TASP1: variants seen among roughly 807,000 people sequenced by gnomAD.
TASP1 encodes the protein threonine aspartase 1.
Under a neutral mutation model 56.6 loss-of-function variants are expected in TASP1, and 16 were observed. The observed-to-expected ratio is 0.28, with a 90% confidence interval of 0.19 to 0.43. The LOEUF is 0.43. Ranked by LOEUF, TASP1 falls within the 20% of genes least tolerant of loss-of-function variation. TASP1 has a pLI of 1.00. For missense variants in TASP1, 393 were observed against 511.6 expected (o/e 0.77, Z 2.24); for synonymous variants, 179 against 184.2 (o/e 0.97, Z 0.23).
At chr20:13,178,829 C>A in the TASP1 span, among the ~76,000 whole-genome samples, 2 of 151,890 alleles carry the variant, frequency 1.3e-5, no homozygotes, top group African/African-American at 4.8e-5. Context: ...AAAATTACAG[C>A]TAGATAGGAG....
chr20:13,461,266 T>C (rs1568831868), intron 11 of TASP1, among the ~76,000 whole-genome samples: 1 of 152,228 alleles, frequency 6.6e-6, no homozygotes, highest in Non-Finnish European at 1.5e-5. Flanking sequence ...CTGCATTTTC[T>C]ATCCACCTTT....
At chr20:13,180,571 ATTTG>A in the TASP1 span, among the ~76,000 whole-genome samples, 507 of 152,268 alleles carry the variant, frequency 3.3e-3, 1 homozygote, top group Non-Finnish European at 5.5e-3. Context: ...ACATTTGTTA[ATTTG>A]TTTGCTTCTT....
chr20:13,408,290 A>T (rs2041991067), intron 13 of TASP1, among the ~76,000 whole-genome samples: 2 of 152,194 alleles, frequency 1.3e-5, no homozygotes, highest in Admixed American at 1.3e-4. Context: ...CTTATGTTCC[A>T]GGATCATTTG....
chr20:13,612,134 C>A (rs916113616), intron 4 of TASP1, among the ~76,000 whole-genome samples: 4 of 152,146 alleles, frequency 2.6e-5, no homozygotes, highest in African/African-American at 9.7e-5. Context: ...TATTGAATTA[C>A]CTCTTGCTAC....
At chr20:13,131,260 C>T in the TASP1 span, among the ~76,000 whole-genome samples, 52 of 152,214 alleles carry the variant, frequency 3.4e-4, no homozygotes, top group Non-Finnish European at 7.1e-4. Context: ...CTTTCCCCAA[C>T]TCTGGGTAAA....
intron 6 of TASP1, among the ~76,000 whole-genome samples, chr20:13,574,311 C>T (rs145468075): frequency 6.6e-6 from 1 of 152,184 alleles, no homozygotes; most frequent in Admixed American, 6.5e-5. Flanking sequence ...AAAGCGAGAC[C>T]TGAAAGGCTC....
At chr20:13,369,910 C>G in the TASP1 span, among the ~76,000 whole-genome samples, 5 of 152,202 alleles carry the variant, frequency 3.3e-5, no homozygotes, top group African/African-American at 9.6e-5. Context: ...AAACACTGGG[C>G]ATTATATATA....
intron 5 of TASP1, among the ~76,000 whole-genome samples, chr20:13,583,011 C>G (rs1200706933): frequency 2.0e-5 from 3 of 152,194 alleles, no homozygotes; most frequent in Non-Finnish European, 4.4e-5. Flanking sequence ...GCAGCTTTCT[C>G]CAGCATTTGA....
At chr20:13,501,713 C>T (rs1214907112) in intron 10 of TASP1, among the ~76,000 whole-genome samples, 13 of 151,796 alleles carry the variant, frequency 8.6e-5, no homozygotes, top group South Asian at 2.1e-4. Context: ...GTAAAAGGCA[C>T]GGGTTATCAA....
chr20:13,469,263 G>A (rs554480373), intron 11 of TASP1, among the ~76,000 whole-genome samples: 1 of 152,252 alleles, frequency 6.6e-6, no homozygotes, highest in South Asian at 2.1e-4. Context: ...AGGCCTGGGT[G>A]AAGAACACAT....
intron 7 of TASP1, among the ~76,000 whole-genome samples, chr20:13,564,863 G>A (rs773089388): frequency 3.9e-4 from 60 of 151,922 alleles, no homozygotes; most frequent in South Asian, 2.7e-3. Context: ...AAAATTAGCC[G>A]GGTGTGGTGG....
intron 4 of TASP1, among the ~76,000 whole-genome samples, chr20:13,598,214 T>C (rs1048836100): frequency 3.3e-5 from 5 of 152,130 alleles, no homozygotes; most frequent in Admixed American, 6.5e-5. Context: ...AAAAAGAGCC[T>C]GCATTGCCAA....
At chr20:13,509,359 T>TA (rs1293047471) in intron 10 of TASP1, among the ~76,000 whole-genome samples, 4 of 152,060 alleles carry the variant, frequency 2.6e-5, no homozygotes, top group African/African-American at 7.2e-5. Flanking sequence ...AATGAGGAGA[T>TA]AGTGTCACAG....
chr20:13,623,590 G>A lies in TASP1; in HGVS notation c.214-76C>T, dbSNP rs2048790817. 4.4e-6 allele frequency: 5 copies of A among 1,128,450 alleles called. No homozygotes were observed. In the East Asian group the frequency reaches 1.2e-4, roughly 27 times the overall value. 69.9% of individuals were successfully genotyped at this position (1,128,450 alleles called of 1,614,324 possible). A position where few individuals can be genotyped will look rare whatever the true frequency, so the allele number is the denominator to read the frequency against. ...ACTTTCCAAAAGCTTAAAGAAGTAT[G>A]GGAGACACTTAGATTAATAAAAATT... On this transcript the variant is annotated intron_variant, in intron 3 of 13. Coordinates refer to ENST00000337743, the MANE Select transcript of TASP1 (RefSeq NM_017714.3).
intron 10 of TASP1, among the ~76,000 whole-genome samples, chr20:13,501,997 T>C (rs950516240): frequency 6.6e-6 from 1 of 151,962 alleles, no homozygotes; most frequent in South Asian, 2.1e-4. Context: ...ACAATCTAAA[T>C]GTGTGTACAC....
chr20:13,386,985 C>T (rs538407215), downstream of TASP1, among the ~76,000 whole-genome samples: 6 of 152,020 alleles, frequency 3.9e-5, no homozygotes, highest in Non-Finnish European at 5.9e-5. Flanking sequence ...GCATAGGACC[C>T]GATAGGTGGT....
chr20:13,483,583 T>C (rs532220722), intron 10 of TASP1, among the ~76,000 whole-genome samples: 28 of 152,320 alleles, frequency 1.8e-4, no homozygotes, highest in African/African-American at 6.5e-4. Flanking sequence ...CGTAGTTCTC[T>C]GTTTAACTAG....
the TASP1 span, among the ~76,000 whole-genome samples, chr20:13,145,808 C>G: frequency 6.6e-6 from 1 of 152,158 alleles, no homozygotes; most frequent in East Asian, 1.9e-4. Flanking sequence ...ACCAATGGAA[C>G]AGAATAGAGT....
At chr20:13,224,200 C>A in the TASP1 span, among the ~76,000 whole-genome samples, 3 of 152,108 alleles carry the variant, frequency 2.0e-5, no homozygotes, top group East Asian at 5.8e-4. Context: ...CTTTTCCAAG[C>A]AGAATGATGA....
Sources: allele counts gnomAD v4.1 joint callset (sites outside exome capture counted in the v4.1 genomes callset), GRCh38; gene constraint gnomAD v4.1.1; transcripts MANE v1.5; gene names NCBI Gene and HGNC (gene_info 2026-07-23, HGNC 2026-07-21).